The following RASGRF1 variants were observed in gnomAD, a reference collection of about 807,000 sequenced individuals.
RASGRF1 encodes the protein ras-specific guanine nucleotide-releasing factor 1.
In RASGRF1, 40 loss-of-function variants were observed where a neutral mutation model predicts 138.7. That is an observed-to-expected ratio of 0.29 (90% confidence interval 0.22 to 0.38). The LOEUF (loss-of-function observed/expected upper bound fraction) is 0.38, where lower values mean the gene tolerates loss of function less well. RASGRF1 is among the 10% of genes least tolerant of loss of function. RASGRF1 has a pLI of 1.00. For synonymous variants in RASGRF1, 614 were observed against 663.2 expected (o/e 0.93, Z 1.14); for missense variants, 1,108 against 1,650.4 (o/e 0.67, Z 5.69).
intron 22 of RASGRF1, among the ~76,000 whole-genome samples, chr15:78,986,464 A>T (rs1046772690): frequency 1.3e-5 from 2 of 151,686 alleles, no homozygotes; most frequent in African/African-American, 4.8e-5. Context: ...CTCCTACCAC[A>T]ACCTCCCAAG....
At chr15:78,991,660 G>A (rs754712363) in intron 21 of RASGRF1, 31 bp downstream of exon 21, 2 of 1,560,766 alleles carry the variant, frequency 1.3e-6, no homozygotes, top group Admixed American at 1.7e-5. Context: ...TGAGGAAGCG[G>A]GGGGAGGCGG....
At chr15:79,013,032 G>C (rs938975778) in intron 13 of RASGRF1, among the ~76,000 whole-genome samples, 1 of 152,134 alleles carries the variant, frequency 6.6e-6, no homozygotes, top group Non-Finnish European at 1.5e-5. Flanking sequence ...TAATTGAGTG[G>C]GTACTCACTA....
At chr15:78,996,911 GGGA>G (rs1380738531) in intron 19 of RASGRF1, among the ~76,000 whole-genome samples, 1 of 152,254 alleles carries the variant, frequency 6.6e-6, no homozygotes, top group Non-Finnish European at 1.5e-5. Context: ...CAGGACTTGG[GGGA>G]AAGTCTGGGG....
chr15:79,089,608 G>C (rs1566976343), intron 1 of RASGRF1, among the ~76,000 whole-genome samples: 1 of 152,240 alleles, frequency 6.6e-6, no homozygotes, highest in Non-Finnish European at 1.5e-5. Flanking sequence ...CTTTGGGCTT[G>C]TTGCTCCGGC....
chr15:79,009,761 G>A (rs1034255230), intron 13 of RASGRF1, among the ~76,000 whole-genome samples: 1 of 150,476 alleles, frequency 6.6e-6, no homozygotes, highest in Non-Finnish European at 1.5e-5. Context: ...CTCCCGCTCT[G>A]TTGCCCAGGC....
chr15:78,996,280 T>C lies in RASGRF1; in HGVS notation c.2967-480A>G, dbSNP rs563410728. ...GAATTGGGAGAGCAGAGGAGAGTGG[T>C]ACACACGGTGGGGAATGAGGGTAGA... On this transcript the variant is annotated intron_variant, in intron 19 of 26. Coordinates refer to ENST00000558480, the MANE Select transcript of RASGRF1 (RefSeq NM_001145648.3). Among the ~76,000 whole-genome samples, 5 of 152,230 alleles carry C rather than the reference T, an allele frequency of 3.3e-5. No homozygotes were observed. In the East Asian group the frequency reaches 9.7e-4, roughly 29 times the overall value.
chr15:79,073,492 C>T lies in RASGRF1; in HGVS notation c.277-8966G>A, dbSNP rs919801778. Among the ~76,000 whole-genome samples, 13 of 152,088 alleles carry T rather than the reference C, an allele frequency of 8.5e-5. No homozygotes were observed. The highest frequency in any genetic ancestry group is 1.4e-4 in the African/African-American group (6 of 41,490). On this transcript the variant is annotated intron_variant, in intron 1 of 26. Transcript: ENST00000558480. This position sits in a 1 kb window ranked among gnomAD's most constrained non-coding sequence, Gnocchi z 4.2. ...AAGCTATAAGGAGACCACCTGGAGTCGGGGTTGTGAGAGACGAGAAGGGCA... is the reference window on the plus strand; with the variant it reads ...AAGCTATAAGGAGACCACCTGGAGTTGGGGTTGTGAGAGACGAGAAGGGCA...
At chr15:79,064,568 T>C (rs368271205) in intron 1 of RASGRF1, 42 bp from the exon 2 acceptor site, 461 of 1,578,918 alleles carry the variant, frequency 2.9e-4, no homozygotes, top group Non-Finnish European at 3.8e-4. Context: ...AGAGTGTCCA[T>C]GGGACCAACA....
chr15:79,031,372 T>G, intron 8 of RASGRF1, 28 bp downstream of exon 8: 1 of 1,524,872 alleles, frequency 6.6e-7, no homozygotes, highest in East Asian at 2.3e-5. Context: ...TGTCTGCCGG[T>G]CTGGTGCACT....
At chr15:78,965,015 G>A (rs1004951840) in intron 26 of RASGRF1, among the ~76,000 whole-genome samples, 2 of 152,062 alleles carry the variant, frequency 1.3e-5, no homozygotes, top group Non-Finnish European at 2.9e-5. Context: ...ACCGCGCCCG[G>A]CCGTTTTCAG....
intron 5 of RASGRF1, among the ~76,000 whole-genome samples, chr15:79,043,361 CAG>C (rs1273798312): frequency 6.6e-6 from 1 of 152,126 alleles, no homozygotes; most frequent in East Asian, 1.9e-4. Context: ...TAAAATGAGT[CAG>C]AAGTGTTCCT....
intron 2 of RASGRF1, among the ~76,000 whole-genome samples, chr15:79,061,251 C>G (rs2057599915): frequency 6.6e-6 from 1 of 151,974 alleles, no homozygotes; most frequent in Non-Finnish European, 1.5e-5. Context: ...AGCCCACTGA[C>G]TCTTTAATTT....
chr15:79,017,698 C>T, intron 12 of RASGRF1, 72 bp downstream of exon 12: 1 of 1,495,386 alleles, frequency 6.7e-7, no homozygotes, highest in Non-Finnish European at 9.0e-7. Flanking sequence ...CCCTACCTGC[C>T]ACCAGCCAAA....
chr15:79,012,408 C>A, intron 13 of RASGRF1: 1 of 1,009,394 alleles, frequency 9.9e-7, no homozygotes, highest in South Asian at 1.4e-5. Context: ...TTACAGCATG[C>A]ACTACACTGC....
rs370253593 is a variant in RASGRF1, at chr15:79,089,525, C to A, written c.276+698G>T. On this transcript the variant is annotated intron_variant, in intron 1 of 26. Coordinates refer to ENST00000558480, the MANE Select transcript of RASGRF1 (RefSeq NM_001145648.3). ...CGCAGGGGGCGGGGGAGGAGAGAAG[C>A]GCCCACTTCGTCCCGCTGCCTCCGC... 1.3e-4 allele frequency among the ~76,000 whole-genome samples: 20 copies of A among 152,364 alleles called. No individual in the cohort carries two copies. The East Asian group carries it at 2.9e-3, about 22-fold the overall frequency.
chr15:79,039,279 AGAGT>A (rs2057263475), intron 5 of RASGRF1, among the ~76,000 whole-genome samples: 1 of 144,802 alleles, frequency 6.9e-6, no homozygotes, highest in South Asian at 2.3e-4. Context: ...CCTGGGCAAC[AGAGT>A]GAGACCCTGT....
chr15:79,002,170 TC>T (rs61406045), intron 15 of RASGRF1, among the ~76,000 whole-genome samples: 5,460 of 151,440 alleles, frequency 0.036, 333 homozygotes, highest in African/African-American at 0.13. Flanking sequence ...ACACGATCTC[TC>T]TTTTTTTTTT....
At chr15:78,997,751 A>AT (rs2056426145) in intron 19 of RASGRF1, among the ~76,000 whole-genome samples, 1 of 151,720 alleles carries the variant, frequency 6.6e-6, no homozygotes, top group Admixed American at 6.6e-5. Context: ...AAAAAAAAAA[A>AT]AAAGATTTAA....
Position 79,027,151 on chromosome 15 carries a change from G to GT in RASGRF1, c.1381+589dup. On this transcript the variant is annotated intron_variant, in intron 9 of 26. Coordinates refer to ENST00000558480, the MANE Select transcript of RASGRF1 (RefSeq NM_001145648.3). This position sits in a 1 kb window ranked among gnomAD's most constrained non-coding sequence, Gnocchi z 4.8. ...TGTGATGAATTTCAAATGCATTGCA[G>GT]TTCTGATGTCAGTCCCCTGAGCCAC... Among the ~76,000 whole-genome samples the GT allele has an allele frequency of 6.6e-6, 1 of 152,284 alleles. No homozygotes were observed. The highest frequency in any genetic ancestry group is 6.5e-5 in the Admixed American group (1 of 15,298).
Sources: gnomAD v4.1 joint callset for allele counts (sites outside exome capture counted in the v4.1 genomes callset) on GRCh38, gnomAD v4.1.1 for gene constraint, Gnocchi (gnomAD v3.1) non-coding constraint, MANE v1.5 for transcripts, NCBI Gene and HGNC (gene_info 2026-07-23, HGNC 2026-07-21) for gene names.